The following CELF2 variants were observed in gnomAD, a reference collection of about 807,000 sequenced individuals.
The protein encoded by CELF2 is CUGBP Elav-like family member 2.
In CELF2, 8 loss-of-function variants were observed where a neutral mutation model predicts 62.6. The observed-to-expected ratio is 0.13, with a 90% CI of 0.07 to 0.23. The LOEUF (loss-of-function observed/expected upper bound fraction) is 0.23, where lower values mean the gene tolerates loss of function less well. Among genes scored for constraint, CELF2 ranks in the 10% least tolerant of loss-of-function variants. The probability of loss-of-function intolerance (pLI) is 1.00; values close to 1 mark genes in which losing one functional copy is unlikely to be tolerated. For missense variants in CELF2, 333 were observed against 671.0 expected (o/e 0.50, Z 5.56); for synonymous variants, 258 against 250.0 (o/e 1.03, Z -0.30).
In CELF2 at chr10:11,311,026, T is replaced by C. The variant is rs1185428163; in HGVS notation, c.977-3113T>C. On this transcript the variant is annotated intron_variant, in intron 9 of 12. Coordinates refer to ENST00000633077, the MANE Select transcript of CELF2 (RefSeq NM_001326342.2). This position sits in a 1 kb window ranked among gnomAD's most constrained non-coding sequence, Gnocchi z 4.7. ...ACTGTTCGCACAGCTTTCCCAACCA[T>C]AAGGAATACAAGGAAGTCCAAGGCT... Among the ~76,000 whole-genome samples the C allele has an allele frequency of 6.6e-6, 1 of 152,018 alleles. No homozygotes were observed. Among genetic ancestry groups the C allele is most frequent in the Non-Finnish European group, 1.5e-5 (1 of 68,012 alleles).
Position 11,318,500 on chromosome 10 carries a change from G to T in CELF2, c.1097-2689G>T, listed in dbSNP as rs532095985. ...GCACAGCACCAGCAGAAGTAAACAC[G>T]ACCCTTCCAGAAAGCAGATTAGCTC... On this transcript the variant is annotated intron_variant, in intron 10 of 12. Coordinates refer to ENST00000633077, the MANE Select transcript of CELF2 (RefSeq NM_001326342.2). This position sits in a 1 kb window ranked among gnomAD's most constrained non-coding sequence, Gnocchi z 5.4. The T allele has an allele frequency of 5.5e-5, 19 of 346,704 alleles. No individual in the cohort carries two copies. Among genetic ancestry groups the T allele is most frequent in the African/African-American group, 3.9e-4 (18 of 46,598 alleles). The allele number at this position is 346,704 out of a possible 1,614,324, so 21.5% of individuals were successfully genotyped here. A position where few individuals can be genotyped will look rare whatever the true frequency, so the allele number is the denominator to read the frequency against.
At chr10:11,241,875 C>A (rs2074019533) in intron 3 of CELF2, among the ~76,000 whole-genome samples, 2 of 152,078 alleles carry the variant, frequency 1.3e-5, no homozygotes, top group South Asian at 4.2e-4. Flanking sequence ...TCTTTTGAAA[C>A]TTGTTTTTAG....
In CELF2 at chr10:11,243,891, G is replaced by C. The variant is rs1050230200; in HGVS notation, c.355-5262G>C. Among the ~76,000 whole-genome samples, 6 of 152,332 alleles carry C rather than the reference G, an allele frequency of 3.9e-5. No homozygotes were observed. Among genetic ancestry groups the C allele is most frequent in the South Asian group, 2.1e-4 (1 of 4,824 alleles). On this transcript the variant is annotated intron_variant, in intron 3 of 12. Transcript: ENST00000633077. The surrounding 1 kb of genome is among the most constrained non-coding windows in gnomAD (Gnocchi z 4.1). The stretch of plus-strand genomic sequence containing the variant: ...CTCCTTGCAAAAATTCTGGAAGATC[G>C]TGTACTCCCTTGTCATAGACAGAGG...
chr10:10,500,194 C>T, the CELF2 span, among the ~76,000 whole-genome samples: 1 of 152,138 alleles, frequency 6.6e-6, no homozygotes, highest in East Asian at 1.9e-4. Context: ...TTATTACTTA[C>T]AGTATTCCCA....
At chr10:10,949,356 T>C (rs201067) in intron 2 of CELF2, among the ~76,000 whole-genome samples, 85,468 of 151,924 alleles carry the variant, frequency 0.56, 26,500 homozygotes, top group East Asian at 0.8. Flanking sequence ...GTGCCTCTAG[T>C]GATCTCCCCA....
intron 1 of CELF2, chr10:11,105,376 G>A (rs977456254): frequency 6.6e-6 from 1 of 152,174 alleles, no homozygotes; most frequent in Non-Finnish European, 1.5e-5. Context: ...CTATCCCAAA[G>A]TGGTGTTACG....
chr10:10,505,324 G>C, the CELF2 span, among the ~76,000 whole-genome samples: 5 of 152,134 alleles, frequency 3.3e-5, no homozygotes, highest in East Asian at 9.7e-4. Flanking sequence ...TTTTACTACA[G>C]GGTTGGGATA....
intron 1 of CELF2, among the ~76,000 whole-genome samples, chr10:11,026,160 C>G (rs933910017): frequency 6.6e-6 from 1 of 152,188 alleles, no homozygotes; most frequent in Non-Finnish European, 1.5e-5. Flanking sequence ...GGACCACACC[C>G]CCTACCTTGT....
At chr10:10,683,130 CTATAG>C in the CELF2 span, among the ~76,000 whole-genome samples, 3 of 152,182 alleles carry the variant, frequency 2.0e-5, no homozygotes, top group Non-Finnish European at 4.4e-5. Context: ...ATTTTCCCTA[CTATAG>C]TATTTCAATA....
At chr10:10,866,709 C>A (rs1393735327) in intron 1 of CELF2, among the ~76,000 whole-genome samples, 1 of 150,034 alleles carries the variant, frequency 6.7e-6, no homozygotes, top group Non-Finnish European at 1.5e-5. Flanking sequence ...GTAATTCCAA[C>A]ACTTTGGGAG....
intron 1 of CELF2, among the ~76,000 whole-genome samples, chr10:10,849,791 A>G (rs1276767453): frequency 7.9e-5 from 12 of 152,202 alleles, no homozygotes; most frequent in Admixed American, 6.5e-4. Context: ...GTATGTGTAT[A>G]TGTATATGGA....
At chr10:11,027,335 C>T (rs974130442) in intron 1 of CELF2, among the ~76,000 whole-genome samples, 4 of 152,150 alleles carry the variant, frequency 2.6e-5, no homozygotes, top group Non-Finnish European at 4.4e-5. Context: ...CGAAAGTTGC[C>T]GCCAGCATCA....
chr10:10,984,616 A>G (rs1564311593), intron 2 of CELF2, among the ~76,000 whole-genome samples: 1 of 152,208 alleles, frequency 6.6e-6, no homozygotes, highest in East Asian at 1.9e-4. Flanking sequence ...GGTAGCATGC[A>G]TGCCCTCCCT....
At chr10:10,474,656 T>C in the CELF2 span, among the ~76,000 whole-genome samples, 1 of 152,148 alleles carries the variant, frequency 6.6e-6, no homozygotes, top group Non-Finnish European at 1.5e-5. Flanking sequence ...ACAGAAAAGG[T>C]CATTAGTCAC....
chr10:10,664,362 T>G, the CELF2 span, among the ~76,000 whole-genome samples: 1 of 152,100 alleles, frequency 6.6e-6, no homozygotes, highest in African/African-American at 2.4e-5. Flanking sequence ...AAACACAAAG[T>G]GATATTTTTA....
rs528148741 is a variant in CELF2, at chr10:11,100,775, A to G, written c.75-64711A>G. Among the ~76,000 whole-genome samples, 4 of 152,334 alleles carry G rather than the reference A, an allele frequency of 2.6e-5. No homozygotes were observed. The East Asian group carries it at 7.7e-4, about 29-fold the overall frequency. ...GTTTAACATTGCAAGCCCAATGAAC[A>G]GGTACCTTGGAGATAGGAAAAGCAA... On this transcript the variant is annotated intron_variant, in intron 1 of 12. Coordinates refer to ENST00000633077, the MANE Select transcript of CELF2 (RefSeq NM_001326342.2).
chr10:10,575,280 A>G, the CELF2 span, among the ~76,000 whole-genome samples: 1 of 152,190 alleles, frequency 6.6e-6, no homozygotes. Flanking sequence ...GATGTAGAAT[A>G]AGGTCTAACT....
intron 1 of CELF2, among the ~76,000 whole-genome samples, chr10:10,878,715 T>C (rs1427502644): frequency 6.6e-6 from 1 of 151,970 alleles, no homozygotes; most frequent in Admixed American, 6.6e-5. Flanking sequence ...GAGGAAAGAG[T>C]GTTTGTTTCC....
chr10:10,627,010 G>T, the CELF2 span, among the ~76,000 whole-genome samples: 1 of 152,150 alleles, frequency 6.6e-6, no homozygotes, highest in African/African-American at 2.4e-5. Flanking sequence ...TAGGTCTCTG[G>T]CACTTAAGAA....
Sources: gnomAD v4.1 joint callset for allele counts (sites outside exome capture counted in the v4.1 genomes callset) on GRCh38, gnomAD v4.1.1 for gene constraint, Gnocchi (gnomAD v3.1) non-coding constraint, MANE v1.5 for transcripts, NCBI Gene and HGNC (gene_info 2026-07-23, HGNC 2026-07-21) for gene names.